Variants in UPP2 observed in about 807,000 individuals in gnomAD.
UPP2 encodes UPase 2.
Under a neutral mutation model 26.7 loss-of-function variants are expected in UPP2, and 23 were observed. The ratio of observed to expected loss-of-function variants is 0.86; its 90% confidence interval spans 0.62 to 1.22. UPP2 has a LOEUF of 1.22. Among genes scored for constraint, UPP2 ranks in the 50% most tolerant of loss-of-function variants. The pLI, the probability that UPP2 is intolerant of heterozygous loss-of-function variation, is 0.00. For missense variants in UPP2, 387 were observed against 396.7 expected (o/e 0.98, Z 0.21); for synonymous variants, 127 against 141.3 (o/e 0.90, Z 0.72).
intron 3 of UPP2, among the ~76,000 whole-genome samples, chr2:158,045,717 G>A (rs1684143637): frequency 6.6e-6 from 1 of 152,182 alleles, no homozygotes; most frequent in Admixed American, 6.5e-5. Flanking sequence ...CAGTAAGCGT[G>A]TTTTGATGCT....
At chr2:158,038,774 T>C (rs1279653198) in intron 3 of UPP2, among the ~76,000 whole-genome samples, 1 of 152,166 alleles carries the variant, frequency 6.6e-6, no homozygotes, top group African/African-American at 2.4e-5. Context: ...TAGAACTCTA[T>C]TGAGGGTTTC....
At chr2:158,106,534 A>G (rs191668713) in intron 2 of UPP2, among the ~76,000 whole-genome samples, 1 of 152,290 alleles carries the variant, frequency 6.6e-6, no homozygotes, top group East Asian at 1.9e-4. Context: ...TCAGCTCACT[A>G]TTTAGCATCT....
At chr2:158,073,645 T>C (rs115736001) in intron 3 of UPP2, among the ~76,000 whole-genome samples, 4,555 of 152,278 alleles carry the variant, frequency 0.03, 92 homozygotes, top group Non-Finnish European at 0.042. Flanking sequence ...CAGCAGACTT[T>C]TCAGTAGAAA....
upstream of UPP2, among the ~76,000 whole-genome samples, chr2:158,099,228 G>C (rs540531520): frequency 6.6e-6 from 1 of 152,178 alleles, no homozygotes; most frequent in Non-Finnish European, 1.5e-5. Context: ...ACTTCCTGGA[G>C]CATGGTGTAT....
intron 6 of UPP2, 59 bp from the exon 7 acceptor site, chr2:158,134,689 T>G (rs878988619): frequency 4.8e-5 from 73 of 1,506,340 alleles, no homozygotes; most frequent in Non-Finnish European, 6.3e-5. Flanking sequence ...GTTTGGCTAA[T>G]GCTTCTATAG....
At chr2:158,085,595 T>C (rs1006496197) in intron 3 of UPP2, among the ~76,000 whole-genome samples, 4 of 152,196 alleles carry the variant, frequency 2.6e-5, no homozygotes, top group African/African-American at 9.6e-5. Context: ...TCAGAGAGAA[T>C]GCTTTCAGCT....
intron 3 of UPP2, among the ~76,000 whole-genome samples, chr2:158,060,072 TTG>T (rs1202559845): frequency 6.6e-6 from 1 of 152,138 alleles, no homozygotes; most frequent in Non-Finnish European, 1.5e-5. Flanking sequence ...CACATCTGAT[TTG>T]TGTGTGTGCG....
At chr2:158,039,993 C>T (rs1008339293) in intron 3 of UPP2, among the ~76,000 whole-genome samples, 11 of 152,154 alleles carry the variant, frequency 7.2e-5, no homozygotes, top group African/African-American at 2.2e-4. Flanking sequence ...CCCAAGTTGT[C>T]GGCTCCTGCT....
At chr2:158,068,779 TATATATATATATATATATATATA>T (rs1230158071) in intron 3 of UPP2, among the ~76,000 whole-genome samples, 4 of 7,986 alleles carry the variant, frequency 5.0e-4, no homozygotes, top group South Asian at 5.6e-3. Flanking sequence ...TATATATATA[TATATATATATATATATATATATA>T]TTTTTTTTTT....
At chr2:158,035,346 G>A (rs1456393764) in intron 3 of UPP2, among the ~76,000 whole-genome samples, 1 of 151,918 alleles carries the variant, frequency 6.6e-6, no homozygotes, top group Non-Finnish European at 1.5e-5. Flanking sequence ...TAGTGGATAC[G>A]GGGTTTCACC....
At chr2:157,999,129 G>A (rs764441097) in intron 2 of UPP2, among the ~76,000 whole-genome samples, 2 of 151,988 alleles carry the variant, frequency 1.3e-5, no homozygotes, top group East Asian at 1.9e-4. Flanking sequence ...CTCACATATT[G>A]TATTTTTCAA....
intron 3 of UPP2, among the ~76,000 whole-genome samples, chr2:158,071,936 A>C (rs1682549412): frequency 6.6e-6 from 1 of 152,122 alleles, no homozygotes; most frequent in Admixed American, 6.5e-5. Flanking sequence ...CTTCTGCTTG[A>C]GAAAAGCAGA....
intron 2 of UPP2, among the ~76,000 whole-genome samples, chr2:158,009,104 C>T (rs1301457501): frequency 3.9e-5 from 6 of 152,062 alleles, no homozygotes; most frequent in Non-Finnish European, 7.4e-5. Context: ...CTAACACATG[C>T]AAGAAATTAT....
upstream of UPP2, among the ~76,000 whole-genome samples, chr2:158,099,036 G>C (rs946163768): frequency 6.6e-6 from 1 of 152,126 alleles, no homozygotes; most frequent in African/African-American, 2.4e-5. Context: ...ATTAGTTTTA[G>C]TTATTTGTCA....
chr2:158,032,598 G>C (rs1440358386), intron 3 of UPP2, among the ~76,000 whole-genome samples: 3 of 152,106 alleles, frequency 2.0e-5, no homozygotes, highest in Non-Finnish European at 4.4e-5. Flanking sequence ...AAACATGGCT[G>C]GGACTGAGAT....
At chr2:158,091,695 T>G (rs1682914481) in intron 3 of UPP2, among the ~76,000 whole-genome samples, 1 of 152,160 alleles carries the variant, frequency 6.6e-6, no homozygotes, top group African/African-American at 2.4e-5. Context: ...CAGCTGGCTG[T>G]TGGATGATCT....
intron 3 of UPP2, among the ~76,000 whole-genome samples, chr2:158,078,987 G>C (rs953518915): frequency 3.3e-5 from 5 of 152,056 alleles, no homozygotes; most frequent in Non-Finnish European, 7.4e-5. Flanking sequence ...ATTGAATCAT[G>C]GGGGCAGTTT....
At chr2:158,127,045 C>G (rs186853632) in intron 6 of UPP2, among the ~76,000 whole-genome samples, 2 of 152,362 alleles carry the variant, frequency 1.3e-5, no homozygotes, top group East Asian at 3.9e-4. Context: ...AGATGAATTA[C>G]TCACTGAGTT....
chr2:158,035,062 T>C (rs1683978898), intron 3 of UPP2, among the ~76,000 whole-genome samples: 1 of 152,172 alleles, frequency 6.6e-6, no homozygotes, highest in African/African-American at 2.4e-5. Context: ...TTTATCAGAA[T>C]TTATTAAAAG....
Sources: gnomAD v4.1 joint callset for allele counts (sites outside exome capture counted in the v4.1 genomes callset) on GRCh38, gnomAD v4.1.1 for gene constraint, MANE v1.5 for transcripts, NCBI Gene and HGNC (gene_info 2026-07-23, HGNC 2026-07-21) for gene names.